Variants in CERS4 observed in about 807,000 individuals in gnomAD.
CERS4 encodes the protein ceramide synthase 4, also known as LAG1 homolog, ceramide synthase 4.
CERS4 carries 65 observed loss-of-function variants against 51.8 expected under a neutral mutation model. The ratio of observed to expected loss-of-function variants is 1.26; its 90% CI spans 1.03 to 1.54. The LOEUF (loss-of-function observed/expected upper bound fraction) is 1.54. CERS4 is among the 40% of genes most tolerant of loss of function. The pLI, the probability that CERS4 is intolerant of heterozygous loss-of-function variation, is 0.00. For missense variants in CERS4, 563 were observed against 500.4 expected, an observed-to-expected ratio of 1.13 and a Z score of -1.19; for synonymous variants, 228 against 208.4, an observed-to-expected ratio of 1.09 and a Z score of -0.81.
At chr19:8,219,843 T>C (rs1967455688) in intron 2 of CERS4, among the ~76,000 whole-genome samples, 2 of 151,528 alleles carry the variant, frequency 1.3e-5, no homozygotes, top group South Asian at 4.2e-4. Context: ...TAGCTGGGTA[T>C]AGTGGCATGG....
chr19:8,255,549 C>G (rs1267474422), intron 4 of CERS4, 58 bp from the exon 5 acceptor site: 11 of 1,468,816 alleles, frequency 7.5e-6, no homozygotes, highest in Non-Finnish European at 8.4e-6. Context: ...TGTCTGGGGA[C>G]ATGGGGGAAG....
intron 2 of CERS4, among the ~76,000 whole-genome samples, chr19:8,244,816 C>G (rs1167126397): frequency 6.6e-6 from 1 of 151,988 alleles, no homozygotes; most frequent in African/African-American, 2.4e-5. Context: ...CAGGGGTGAG[C>G]CACCACCCCC....
rs756778066 is a variant in CERS4 at position 8,256,729 on chromosome 19, C to G, written c.612+19C>G. On this transcript the variant is annotated intron_variant, in intron 8 of 11. Coordinates refer to ENST00000251363, the MANE Select transcript of CERS4 (RefSeq NM_024552.3). ...GCGCAAGGTGAGGCCAAATAAGAGT[C>G]TGGAAGACCCAGTCTCTGGCCGGGA... 2 of 1,607,894 alleles carry G rather than the reference C, an allele frequency of 1.2e-6. No individual in the cohort carries two copies. The highest frequency in any genetic ancestry group is 2.2e-5 in the East Asian group (1 of 44,874).
chr19:8,213,875 A>G (rs1451402309), intron 2 of CERS4, among the ~76,000 whole-genome samples: 1 of 152,014 alleles, frequency 6.6e-6, no homozygotes, highest in African/African-American at 2.4e-5. Context: ...TTGAGACAGG[A>G]GAATTGCTTG....
intron 2 of CERS4, among the ~76,000 whole-genome samples, chr19:8,219,539 G>A (rs1200029518): frequency 1.3e-5 from 2 of 152,116 alleles, no homozygotes; most frequent in Admixed American, 1.3e-4. Context: ...GGTGAGGGCT[G>A]GGCACAGTGG....
intron 2 of CERS4, among the ~76,000 whole-genome samples, chr19:8,231,072 C>G (rs1465195272): frequency 6.6e-6 from 1 of 152,142 alleles, no homozygotes; most frequent in Non-Finnish European, 1.5e-5. Flanking sequence ...CCCCTGAACT[C>G]TAGTGATCCA....
chr19:8,260,179 A>G (rs1243360998), intron 10 of CERS4, among the ~76,000 whole-genome samples: 1 of 151,956 alleles, frequency 6.6e-6, no homozygotes, highest in Non-Finnish European at 1.5e-5. Flanking sequence ...ATTGGGGGGT[A>G]GGAGAAACAC....
chr19:8,257,647 C>G (rs535408051), intron 9 of CERS4, among the ~76,000 whole-genome samples: 52 of 152,314 alleles, frequency 3.4e-4, no homozygotes, highest in Non-Finnish European at 4.4e-5. Flanking sequence ...CCAGGCTGGT[C>G]TCGAACTCCT....
chr19:8,217,987 C>A (rs918824374), intron 2 of CERS4, among the ~76,000 whole-genome samples: 8 of 151,742 alleles, frequency 5.3e-5, no homozygotes, highest in African/African-American at 1.9e-4. Flanking sequence ...TATTTTGAGA[C>A]AGAGTCTCAC....
chr19:8,217,368 C>G (rs1314757567), intron 2 of CERS4, among the ~76,000 whole-genome samples: 5 of 151,684 alleles, frequency 3.3e-5, no homozygotes, highest in African/African-American at 1.2e-4. Flanking sequence ...AGGAGAGGCT[C>G]GTTTTTTAAT....
intron 2 of CERS4, among the ~76,000 whole-genome samples, chr19:8,220,374 G>A (rs1967481183): frequency 6.6e-6 from 1 of 151,990 alleles, no homozygotes; most frequent in Admixed American, 6.6e-5. Context: ...GTGCGATCTC[G>A]GCTCACTACA....
Position 8,256,853 on chromosome 19 carries a change from C to A in CERS4, c.613-96C>A. ...ATAGAGGCCATGGGCCCAGAGGCCA[C>A]ACCAACCCCCTGAAAGGACCCACTT... On this transcript the variant is annotated intron_variant, in intron 8 of 11. Transcript: ENST00000251363. 1.9e-6 allele frequency: 3 copies of A among 1,599,260 alleles called. No individual in the cohort carries two copies. In the East Asian group the frequency reaches 6.7e-5, roughly 36 times the overall value.
intron 9 of CERS4, 92 bp downstream of exon 9, chr19:8,257,169 T>C: frequency 7.4e-7 from 1 of 1,356,036 alleles, no homozygotes. Flanking sequence ...CCAACCTTCC[T>C]GGGAGATGGA....
chr19:8,220,819 TTTTTTTTTTG>T (rs1383101117), intron 2 of CERS4, among the ~76,000 whole-genome samples: 5 of 148,702 alleles, frequency 3.4e-5, no homozygotes, highest in Non-Finnish European at 6.0e-5. Context: ...TGTTTTGTGT[TTTTTTTTTTG>T]TTTTTTTTTT....
chr19:8,212,358 G>T (rs1172869833), intron 2 of CERS4, among the ~76,000 whole-genome samples: 1 of 152,170 alleles, frequency 6.6e-6, no homozygotes, highest in East Asian at 1.9e-4. Context: ...GAGGCCGGGG[G>T]AGGGAGCAGC....
chr19:8,247,710 T>C lies in CERS4; in HGVS notation c.-1-3366T>C, dbSNP rs114783234. 9.7e-3 allele frequency among the ~76,000 whole-genome samples: 1,453 copies of C among 150,192 alleles called. 25 individuals are homozygous for C. Among genetic ancestry groups the C allele is most frequent in the African/African-American group, 0.034 (1,368 of 40,804 alleles). ...GTTGGGATTACAGGCATGAACCACTTTGCCTGGCCTGACCTCCGCATCTTT... is the reference window on the plus strand; with the variant it reads ...GTTGGGATTACAGGCATGAACCACTCTGCCTGGCCTGACCTCCGCATCTTT... On this transcript the variant is annotated intron_variant, in intron 2 of 11. Coordinates refer to ENST00000251363, the MANE Select transcript of CERS4 (RefSeq NM_024552.3).
At position 8,255,684 on chromosome 19, in the gene CERS4, C is replaced by T. The variant is rs1223594285; in HGVS notation, c.369C>T (p.Asn123=). 10 of 1,613,124 alleles carry T rather than the reference C, an allele frequency of 6.2e-6. No homozygotes were observed. Among genetic ancestry groups the T allele is most frequent in the Non-Finnish European group, 8.5e-6 (10 of 1,179,822 alleles). ...AGCGATGGTTCCGGAGACGCCGGAA[C>T]CAGGATCGACCCCAGCTGACCAAGA... The part of the protein sequence containing the change: ...QTQRWFRRRR[N]QDRPQLTKKF... The change falls in exon 5 of 12, where the codon AAC becomes AAT. Residue 123 remains asparagine (N), a synonymous_variant. Transcript: ENST00000251363.
chr19:8,215,293 A>C (rs1967251584), intron 2 of CERS4, among the ~76,000 whole-genome samples: 1 of 152,104 alleles, frequency 6.6e-6, no homozygotes, highest in Non-Finnish European at 1.5e-5. Flanking sequence ...AGCGTGGCCA[A>C]CATGGCGAAA....
rs1969256608 is a variant in CERS4 at position 8,254,351 on chromosome 19, C to T, written c.174-148C>T. Reference sequence around the variant, plus strand: ...AAAAAAAAAAAAAAAAAGTCTTACACACCCTGCCATGTGCCAGCTGTGCTC... The same window carrying T: ...AAAAAAAAAAAAAAAAAGTCTTACATACCCTGCCATGTGCCAGCTGTGCTC... On this transcript the variant is annotated intron_variant, in intron 3 of 11. Coordinates refer to ENST00000251363, the MANE Select transcript of CERS4 (RefSeq NM_024552.3). 3 of 214,966 alleles carry T rather than the reference C, an allele frequency of 1.4e-5. No homozygotes were observed. The South Asian group carries it at 1.6e-4, about 11-fold the overall frequency. The allele number at this position is 214,966 out of a possible 1,614,324, so 13.3% of individuals were successfully genotyped here.
Sources: gnomAD v4.1 joint callset for allele counts (sites outside exome capture counted in the v4.1 genomes callset) on GRCh38, gnomAD v4.1.1 for gene constraint, MANE v1.5 for transcripts, NCBI Gene and HGNC (gene_info 2026-07-23, HGNC 2026-07-21) for gene names.